Variants in OOEP observed in about 807,000 individuals in gnomAD.
OOEP encodes oocyte expressed protein, also known as oocyte-expressed protein homolog.
Under a neutral mutation model 13.7 loss-of-function variants are expected in OOEP, and 16 were observed. The observed-to-expected ratio is 1.16, with a 90% CI of 0.79 to 1.77. The LOEUF is 1.77. Among genes scored for constraint, OOEP ranks in the 40% most tolerant of loss-of-function variants. The pLI is 0.00. For synonymous variants in OOEP, 89 were observed against 77.1 expected, an observed-to-expected ratio of 1.15 and a Z score of -0.81; for missense variants, 195 against 193.1, an observed-to-expected ratio of 1.01 and a Z score of -0.06.
intron 1 of OOEP, 24 bp from the exon 2 acceptor site, chr6:73,369,409 G>A: frequency 6.2e-7 from 1 of 1,601,266 alleles, no homozygotes; most frequent in Non-Finnish European, 8.5e-7. Flanking sequence ...GAAAAACTCT[G>A]AGGGGCTGCA....
chr6:73,377,536 A>G (rs983096293), intron 2 of OOEP, among the ~76,000 whole-genome samples: 6 of 152,182 alleles, frequency 3.9e-5, no homozygotes, highest in African/African-American at 1.4e-4. Context: ...TGTTTCTCTG[A>G]TATCACCCAA....
At chr6:73,381,571 A>G (rs577372159) in intron 2 of OOEP, among the ~76,000 whole-genome samples, 10 of 152,238 alleles carry the variant, frequency 6.6e-5, no homozygotes, top group Non-Finnish European at 1.2e-4. Context: ...AACAGACACT[A>G]CTTTGCATAG....
intron 2 of OOEP, among the ~76,000 whole-genome samples, chr6:73,375,522 A>G (rs1183606709): frequency 6.6e-6 from 1 of 150,672 alleles, no homozygotes; most frequent in Non-Finnish European, 1.5e-5. Context: ...AGAGGCTGCA[A>G]TGAGCTATGA....
intron 2 of OOEP, among the ~76,000 whole-genome samples, chr6:73,392,690 G>A: frequency 7.4e-6 from 1 of 134,446 alleles, no homozygotes; most frequent in Non-Finnish European, 1.5e-5. Flanking sequence ...GAAGTGCAGT[G>A]GCACAATCTT....
chr6:73,386,442 TAAAC>T (rs932079988), intron 2 of OOEP, among the ~76,000 whole-genome samples: 2 of 149,182 alleles, frequency 1.3e-5, no homozygotes, highest in Non-Finnish European at 3.0e-5. Context: ...CACCAAAAAA[TAAAC>T]AAACAAATAG....
At chr6:73,374,574 T>G (rs1315232901), upstream of OOEP, among the ~76,000 whole-genome samples, 1 of 152,158 alleles carries the variant, frequency 6.6e-6, no homozygotes, top group African/African-American at 2.4e-5. Context: ...GCCTGTGTGA[T>G]CATAGTCTGG....
intron 2 of OOEP, among the ~76,000 whole-genome samples, chr6:73,382,329 T>C (rs1198963656): frequency 6.7e-6 from 1 of 150,186 alleles, no homozygotes; most frequent in Non-Finnish European, 1.5e-5. Context: ...GTGATTCTCC[T>C]GCCTCAGCCT....
At chr6:73,369,115 G>C in intron 2 of OOEP, 91 bp downstream of exon 2, 1 of 1,366,650 alleles carries the variant, frequency 7.3e-7, no homozygotes, top group South Asian at 1.4e-5. Flanking sequence ...AAGAAATTTT[G>C]AGAAGGTTAA....
upstream of OOEP, chr6:73,370,157 A>G (rs1040540307): frequency 4.5e-6 from 1 of 222,998 alleles, no homozygotes; most frequent in South Asian, 8.9e-5. Flanking sequence ...TGACGACTCT[A>G]TTAATAGACT....
At chr6:73,386,977 G>GAAAAAAA (rs1169476638) in intron 2 of OOEP, among the ~76,000 whole-genome samples, 6 of 30,880 alleles carry the variant, frequency 1.9e-4, no homozygotes, top group Admixed American at 4.8e-4. Flanking sequence ...TTCCATCTCA[G>GAAAAAAA]AAAAAAAAAA....
intron 2 of OOEP, among the ~76,000 whole-genome samples, chr6:73,385,899 A>C (rs1769266411): frequency 1.3e-5 from 2 of 151,896 alleles, no homozygotes; most frequent in East Asian, 3.9e-4. Context: ...AGCTATTTTC[A>C]AAAAGCCCAC....
chr6:73,388,312 G>A (rs376921729), intron 2 of OOEP, among the ~76,000 whole-genome samples: 1 of 152,162 alleles, frequency 6.6e-6, no homozygotes, highest in African/African-American at 2.4e-5. Flanking sequence ...TAACAACATG[G>A]ATGTTTATTA....
At chr6:73,394,776 G>T (rs1769424799) in exon 1 of OOEP, 3 of 1,354,428 alleles carry the variant, frequency 2.2e-6, no homozygotes, top group Non-Finnish European at 3.0e-6. Context: ...CGTGGGCGGG[G>T]GGGCTAGCCT....
chr6:73,383,234 G>C lies in OOEP; in HGVS notation c.25+11112C>G, dbSNP rs574548870. The stretch of plus-strand genomic sequence containing the variant: ...AAGGGAATTGTAGAAACTGATTCTA[G>C]TTTCTTGATCAAGTAGTTGGCAAAA... On this transcript the variant is annotated intron_variant, in intron 2 of 3. Transcript: ENST00000370363. 3.7e-4 allele frequency among the ~76,000 whole-genome samples: 57 copies of C among 152,340 alleles called. No individual in the cohort carries two copies. The East Asian group carries it at 9.8e-3, about 26-fold the overall frequency.
Position 73,369,688 on chromosome 6 carries a change from G to A in OOEP, c.105C>T (p.Arg35=), listed in dbSNP as rs546075361. 6.2e-7 allele frequency: 1 copy of A among 1,614,042 alleles called. No individual in the cohort carries two copies. The highest frequency in any genetic ancestry group is 2.2e-5 in the East Asian group (1 of 44,880). ...GCACCGGAAACCACCAGGGCCGGAT[G>A]CGAATCTGTGGCGGCGGAAGTGGTA... is the stretch of plus-strand genomic sequence containing the variant. The part of the protein sequence containing the change: ...RRLPLPPPQI[R]IRPWWFPVQE... The change falls in exon 1 of 3, where the codon CGC becomes CGT. Residue 35 remains arginine (R), a synonymous_variant. Coordinates refer to ENST00000370359, the MANE Select transcript of OOEP (RefSeq NM_001080507.3).
intron 2 of OOEP, among the ~76,000 whole-genome samples, chr6:73,388,886 T>G (rs1229114760): frequency 6.6e-6 from 1 of 151,986 alleles, no homozygotes. Context: ...GCTGCCTCCT[T>G]GTGGGAGAGT....
upstream of OOEP, chr6:73,395,144 G>T (rs759953066): frequency 1.2e-6 from 2 of 1,612,556 alleles, no homozygotes; most frequent in East Asian, 2.2e-5. Context: ...CACTTTGTTG[G>T]CGCGGTAATC....
chr6:73,378,412 C>T (rs555280586), intron 2 of OOEP, among the ~76,000 whole-genome samples: 1 of 152,130 alleles, frequency 6.6e-6, no homozygotes, highest in African/African-American at 2.4e-5. Context: ...GCTACAAACT[C>T]TAAGATCATC....
intron 2 of OOEP, among the ~76,000 whole-genome samples, chr6:73,381,205 T>TAAAAAAAAAAAAAAAAAAAAAAAAGA (rs66507015): frequency 9.9e-6 from 1 of 101,000 alleles, no homozygotes; most frequent in Non-Finnish European, 1.9e-5. Flanking sequence ...AAAAAAGTGT[T>TAAAAAAAAAAAAAAAAAAAAAAAAGA]AAAAAAAAAA....
Sources: gnomAD v4.1 joint callset for allele counts (sites outside exome capture counted in the v4.1 genomes callset) on GRCh38, gnomAD v4.1.1 for gene constraint, MANE v1.5 for transcripts, NCBI Gene and HGNC (gene_info 2026-07-23, HGNC 2026-07-21) for gene names.